WWC2: variants seen among roughly 807,000 people sequenced by gnomAD.
WWC2 encodes the protein WW and C2 domain containing 2, also known as protein WWC2.
A neutral mutation model predicts 138.5 loss-of-function variants in WWC2; 101 were observed. That is an observed-to-expected ratio of 0.73 (90% CI 0.62 to 0.86). The LOEUF is 0.86. WWC2 is among the 40% of genes least tolerant of loss of function. The pLI, the probability that WWC2 is intolerant of heterozygous loss-of-function variation, is 0.00. For missense variants in WWC2, 1,420 were observed against 1,419.4 expected, an observed-to-expected ratio of 1.00 and a Z score of -0.01; for synonymous variants, 558 against 538.4, an observed-to-expected ratio of 1.04 and a Z score of -0.50.
At chr4:183,162,255 A>C (rs535027899) in intron 1 of WWC2, among the ~76,000 whole-genome samples, 3 of 152,216 alleles carry the variant, frequency 2.0e-5, no homozygotes, top group African/African-American at 7.2e-5. Context: ...ATTGCAGTAT[A>C]CTAAATACTA....
At chr4:183,156,154 G>A (rs1733797856) in intron 1 of WWC2, among the ~76,000 whole-genome samples, 1 of 151,922 alleles carries the variant, frequency 6.6e-6, no homozygotes, top group Non-Finnish European at 1.5e-5. Flanking sequence ...AGCCTCTTGA[G>A]TAGCTCGGAT....
intron 21 of WWC2, among the ~76,000 whole-genome samples, chr4:183,290,189 A>G (rs961859212): frequency 6.6e-6 from 1 of 152,174 alleles, no homozygotes; most frequent in African/African-American, 2.4e-5. Flanking sequence ...ACAAATAGGT[A>G]TACTAAAAAA....
At chr4:183,259,450 C>T (rs1162012602) in intron 9 of WWC2, among the ~76,000 whole-genome samples, 189 bp from the exon 10 acceptor site, 1 of 152,150 alleles carries the variant, frequency 6.6e-6, no homozygotes, top group African/African-American at 2.4e-5. Flanking sequence ...AACGCTCCCT[C>T]CCCATCCTTC....
In WWC2 at chr4:183,265,762, G is replaced by C. The variant is rs973533579; in HGVS notation, c.2114G>C (p.Gly705Ala). 3.7e-6 allele frequency: 6 copies of C among 1,611,052 alleles called. No individual in the cohort carries two copies. In the African/African-American group the frequency reaches 8.0e-5, roughly 22 times the overall value. Residue 705 changes from glycine to alanine, a missense_variant, in exon 13 of 23, where the codon GGA (glycine) becomes GCA (alanine). By Grantham distance (60) the Gly-to-Ala change is moderately conservative. Coordinates refer to ENST00000403733, the MANE Select transcript of WWC2 (RefSeq NM_024949.6). ...AIVETAQVQI[G>A]LRYNAKSSSF... ...GTAGAGACCGCCCAGGTTCAGATAG[G>C]ACTCAGGTAAGGAATGTACGTGGGA...
chr4:183,173,766 C>G (rs1734365516), intron 1 of WWC2, among the ~76,000 whole-genome samples: 1 of 152,090 alleles, frequency 6.6e-6, no homozygotes, highest in Non-Finnish European at 1.5e-5. Context: ...CCACTTTGGA[C>G]TTGGCTTGAA....
intron 7 of WWC2, among the ~76,000 whole-genome samples, 198 bp downstream of exon 7, chr4:183,249,058 G>A (rs1484613480): frequency 6.6e-6 from 1 of 152,104 alleles, no homozygotes; most frequent in Non-Finnish European, 1.5e-5. Context: ...GTCAGGATTT[G>A]TCCATATGAG....
At chr4:183,170,377 A>G (rs571839066) in intron 1 of WWC2, among the ~76,000 whole-genome samples, 11 of 152,306 alleles carry the variant, frequency 7.2e-5, no homozygotes, top group Admixed American at 1.3e-4. Context: ...ACACCTGACA[A>G]CAGTTTCAGG....
intron 1 of WWC2, among the ~76,000 whole-genome samples, chr4:183,178,223 T>G (rs1270795575): frequency 6.6e-6 from 1 of 151,992 alleles, no homozygotes; most frequent in African/African-American, 2.4e-5. Context: ...TCTCTAAATG[T>G]AACAATAGCT....
chr4:183,240,595 T>G, intron 5 of WWC2: 1 of 172,686 alleles, frequency 5.8e-6, no homozygotes, highest in Non-Finnish European at 1.2e-5. Flanking sequence ...GCACAAGAAA[T>G]TCCTCTCCAC....
intron 2 of WWC2, among the ~76,000 whole-genome samples, chr4:183,195,940 A>G (rs948792620): frequency 9.2e-5 from 14 of 151,978 alleles, no homozygotes; most frequent in African/African-American, 3.1e-4. Flanking sequence ...GCCTGATGGG[A>G]GGTGATTGGA....
At chr4:183,266,934 C>T (rs895190381) in intron 14 of WWC2, among the ~76,000 whole-genome samples, 10 of 152,066 alleles carry the variant, frequency 6.6e-5, no homozygotes, top group African/African-American at 2.2e-4. Flanking sequence ...CACCTCCTAA[C>T]ATTCCAATAA....
At chr4:183,253,722 G>A in intron 8 of WWC2, 35 bp from the exon 9 acceptor site, 2 of 1,591,272 alleles carry the variant, frequency 1.3e-6, no homozygotes, top group East Asian at 4.5e-5. Context: ...GGAGTTTTAA[G>A]TATGTGCATA....
intron 4 of WWC2, among the ~76,000 whole-genome samples, chr4:183,219,686 T>A (rs1735867967): frequency 6.6e-6 from 1 of 152,188 alleles, no homozygotes; most frequent in Non-Finnish European, 1.5e-5. Flanking sequence ...GTAGTGACTT[T>A]TATTGGAAGT....
At chr4:183,151,634 T>C (rs1485537403) in intron 1 of WWC2, among the ~76,000 whole-genome samples, 1 of 152,242 alleles carries the variant, frequency 6.6e-6, no homozygotes, top group African/African-American at 2.4e-5. Context: ...TCCTGAATGG[T>C]AATGCCTAGG....
rs375468198 is a variant in WWC2 at position 183,305,380 on chromosome 4, AACATTAAACC to A, written c.3385-6957_3385-6948del. Among the ~76,000 whole-genome samples the A allele has an allele frequency of 2.6e-4, 39 of 152,324 alleles. 1 individual carries two copies. The highest frequency in any genetic ancestry group is 9.1e-4 in the African/African-American group (38 of 41,588). On this transcript the variant is annotated intron_variant, in intron 21 of 22. Coordinates refer to ENST00000403733, the MANE Select transcript of WWC2 (RefSeq NM_024949.6). ...TGAGACTTTCTCCAAATTAATGTCA[AACATTAAACC>A]ACAGAGCCAGAAAACTCATAAAACA...
intron 4 of WWC2, among the ~76,000 whole-genome samples, chr4:183,239,005 A>G (rs1031395655): frequency 6.6e-6 from 1 of 152,170 alleles, no homozygotes; most frequent in African/African-American, 2.4e-5. Flanking sequence ...ATATTGCGCA[A>G]CAGAATGTGT....
chr4:183,193,367 C>T (rs1008807057), intron 1 of WWC2, among the ~76,000 whole-genome samples: 2 of 152,000 alleles, frequency 1.3e-5, no homozygotes, highest in Admixed American at 1.3e-4. Flanking sequence ...TTTAGGATGC[C>T]TTTATTTATT....
At chr4:183,268,741 G>C (rs919612493) in intron 14 of WWC2, among the ~76,000 whole-genome samples, 32 of 152,146 alleles carry the variant, frequency 2.1e-4, no homozygotes, top group Admixed American at 2.0e-4. Flanking sequence ...CAGTCTCGTG[G>C]TGAGTGGAGG....
At chr4:183,272,756 A>G (rs889165555) in intron 16 of WWC2, among the ~76,000 whole-genome samples, 1 of 152,220 alleles carries the variant, frequency 6.6e-6, no homozygotes, top group African/African-American at 2.4e-5. Flanking sequence ...AATATTTTCA[A>G]GGTACCTCCA....
Sources: gnomAD v4.1 joint callset for allele counts (sites outside exome capture counted in the v4.1 genomes callset) on GRCh38, gnomAD v4.1.1 for gene constraint, MANE v1.5 for transcripts, NCBI Gene and HGNC (gene_info 2026-07-23, HGNC 2026-07-21) for gene names.